Variants in KIAA1549L observed in about 807,000 individuals in gnomAD.
KIAA1549L encodes UPF0606 protein KIAA1549L.
In KIAA1549L, 88 loss-of-function variants were observed where a neutral mutation model predicts 160.7. The ratio of observed to expected loss-of-function variants is 0.55; its 90% CI spans 0.46 to 0.65. The LOEUF is 0.65. KIAA1549L is among the 30% of genes least tolerant of loss of function. The pLI, the probability that KIAA1549L is intolerant of heterozygous loss-of-function variation, is 0.00. For missense variants in KIAA1549L, 2,258 were observed against 2,437.5 expected, an observed-to-expected ratio of 0.93 and a Z score of 1.55; for synonymous variants, 950 against 976.7, an observed-to-expected ratio of 0.97 and a Z score of 0.51.
intron 1 of KIAA1549L, among the ~76,000 whole-genome samples, chr11:33,473,680 C>T (rs956185564): frequency 5.9e-5 from 9 of 152,148 alleles, no homozygotes; most frequent in East Asian, 1.9e-4. Flanking sequence ...ACGTTCCCTT[C>T]GAGTCATATT....
chr11:33,557,408 T>C (rs1360722739), intron 6 of KIAA1549L, among the ~76,000 whole-genome samples: 1 of 152,186 alleles, frequency 6.6e-6, no homozygotes, highest in East Asian at 1.9e-4. Flanking sequence ...TTTTTTAAAT[T>C]GTTCAGAAAG....
At chr11:33,600,671 C>T (rs776583244) in intron 13 of KIAA1549L, among the ~76,000 whole-genome samples, 13 of 152,056 alleles carry the variant, frequency 8.5e-5, no homozygotes, top group African/African-American at 1.7e-4. Flanking sequence ...CAGAGGACCC[C>T]GAATAACTCA....
rs139220946 is a variant in KIAA1549L, at chr11:33,406,231, A to G, written c.238+29342A>G. Among the ~76,000 whole-genome samples the G allele has an allele frequency of 3.3e-5, 5 of 152,314 alleles. No homozygotes were observed. The East Asian group carries it at 9.6e-4, about 29-fold the overall frequency. On this transcript the variant is annotated intron_variant, in intron 1 of 20. Transcript: ENST00000658780. The stretch of plus-strand genomic sequence containing the variant: ...ACTGGCCTACAGAGAAGAGGGAAAA[A>G]AATTAATCCAGAATCCCACGGCCCC...
Position 33,632,926 on chromosome 11 carries a change from C to T in KIAA1549L, c.5410-12760C>T, listed in dbSNP as rs117503248. Among the ~76,000 whole-genome samples, 837 of 151,912 alleles carry T rather than the reference C, an allele frequency of 5.5e-3. 8 individuals carry two copies. The highest frequency in any genetic ancestry group is 9.6e-3 in the Non-Finnish European group (649 of 67,958). Reference sequence around the variant, plus strand: ...GGAACACACCCAACAGTCTCCTCCACGTCACTCTTCCCTCCAGTTTCAGCC... The same window carrying T: ...GGAACACACCCAACAGTCTCCTCCATGTCACTCTTCCCTCCAGTTTCAGCC... On this transcript the variant is annotated intron_variant, in intron 16 of 20. Coordinates refer to ENST00000658780, the MANE Select transcript of KIAA1549L (RefSeq NM_012194.3).
intron 4 of KIAA1549L, 65 bp from the exon 5 acceptor site, chr11:33,550,975 A>G: frequency 7.5e-7 from 1 of 1,329,050 alleles, no homozygotes; most frequent in Non-Finnish European, 1.1e-6. Context: ...TCTAAGAAAT[A>G]CCAGGAAGAA....
In KIAA1549L at chr11:33,544,303, C is replaced by T; in HGVS notation, c.2740C>T (p.Leu914=). The T allele has an allele frequency of 6.2e-7, 1 of 1,613,974 alleles. No homozygotes were observed. Among genetic ancestry groups the T allele is most frequent in the Non-Finnish European group, 8.5e-7 (1 of 1,179,886 alleles). ...CTTTCCCAGGACCTCCTCCAGAGTGCTGCGGGCTTCTCAGCACCCCAAGAA... is the reference window on the plus strand; with the variant it reads ...CTTTCCCAGGACCTCCTCCAGAGTGTTGCGGGCTTCTCAGCACCCCAAGAA... ...SVFPRTSSRV[L]RASQHPKKWT... The change falls in exon 2 of 21, where the codon CTG becomes TTG. Residue 914 remains leucine (L), a synonymous_variant. Coordinates refer to ENST00000658780, the MANE Select transcript of KIAA1549L (RefSeq NM_012194.3).
intron 1 of KIAA1549L, among the ~76,000 whole-genome samples, chr11:33,472,681 C>G (rs1043113549): frequency 3.3e-5 from 5 of 152,118 alleles, no homozygotes; most frequent in Admixed American, 6.6e-5. Context: ...GTAGGTATAG[C>G]CTGAAATAGT....
chr11:33,625,070 C>T (rs1255369825), intron 16 of KIAA1549L, among the ~76,000 whole-genome samples: 3 of 151,790 alleles, frequency 2.0e-5, no homozygotes, highest in African/African-American at 7.3e-5. Context: ...CATCCATGTC[C>T]CTACAAAGGA....
intron 16 of KIAA1549L, among the ~76,000 whole-genome samples, chr11:33,633,637 G>A (rs746201549): frequency 6.6e-5 from 10 of 152,284 alleles, no homozygotes; most frequent in Admixed American, 3.3e-4. Context: ...AAAGCAAAAC[G>A]CGAATTAGCT....
chr11:33,501,087 A>C (rs1488887373), intron 1 of KIAA1549L, among the ~76,000 whole-genome samples: 1 of 152,154 alleles, frequency 6.6e-6, no homozygotes, highest in Non-Finnish European at 1.5e-5. Context: ...CAGGATTATG[A>C]TCTAAATGTC....
intron 13 of KIAA1549L, among the ~76,000 whole-genome samples, chr11:33,603,677 G>C (rs1850422603): frequency 6.6e-6 from 1 of 152,014 alleles, no homozygotes; most frequent in Admixed American, 6.5e-5. Context: ...CGTGGTGGCG[G>C]GGCCTGTAAT....
chr11:33,500,930 A>G (rs550315687), intron 1 of KIAA1549L, among the ~76,000 whole-genome samples: 1 of 152,248 alleles, frequency 6.6e-6, no homozygotes, highest in East Asian at 1.9e-4. Context: ...TGTTATACCA[A>G]TTGCATTGTG....
chr11:33,583,189 C>T (rs561431484), intron 10 of KIAA1549L, 149 bp from the exon 11 acceptor site: 12 of 652,208 alleles, frequency 1.8e-5, no homozygotes, highest in East Asian at 1.8e-4. Flanking sequence ...CACACAGCTG[C>T]GGAGGTGGAG....
intron 1 of KIAA1549L, among the ~76,000 whole-genome samples, chr11:33,477,676 G>A (rs1220184444): frequency 6.6e-6 from 1 of 152,140 alleles, no homozygotes; most frequent in East Asian, 1.9e-4. Flanking sequence ...CTCTTTAGAT[G>A]GCTTTGTCTG....
At chr11:33,567,147 A>C (rs1315558521) in intron 8 of KIAA1549L, among the ~76,000 whole-genome samples, 1 of 152,186 alleles carries the variant, frequency 6.6e-6, no homozygotes, top group African/African-American at 2.4e-5. Flanking sequence ...ACCATCATTC[A>C]TGCCTTACCT....
chr11:33,501,632 T>C (rs1050352273), intron 1 of KIAA1549L, among the ~76,000 whole-genome samples: 3 of 152,122 alleles, frequency 2.0e-5, no homozygotes, highest in Non-Finnish European at 4.4e-5. Flanking sequence ...ATGAAGAAAA[T>C]AAACAGCAAT....
chr11:33,505,773 T>C (rs1350606026), intron 1 of KIAA1549L, among the ~76,000 whole-genome samples: 1 of 152,196 alleles, frequency 6.6e-6, no homozygotes, highest in African/African-American at 2.4e-5. Flanking sequence ...GTAGCTACAG[T>C]TCCCAGTTTG....
intron 1 of KIAA1549L, among the ~76,000 whole-genome samples, chr11:33,397,728 A>T (rs1850411665): frequency 1.3e-5 from 2 of 149,848 alleles, no homozygotes; most frequent in South Asian, 4.2e-4. Context: ...ACACACACAC[A>T]CACACACACA....
At chr11:33,588,252 G>A (rs1210996219) in intron 11 of KIAA1549L, among the ~76,000 whole-genome samples, 1 of 152,172 alleles carries the variant, frequency 6.6e-6, no homozygotes, top group Non-Finnish European at 1.5e-5. Flanking sequence ...TATATGTTCA[G>A]CACCAAGGAC....
Sources: gnomAD v4.1 joint callset for allele counts (sites outside exome capture counted in the v4.1 genomes callset) on GRCh38, gnomAD v4.1.1 for gene constraint, MANE v1.5 for transcripts, NCBI Gene and HGNC (gene_info 2026-07-23, HGNC 2026-07-21) for gene names.